Variants in EPHA3 observed in about 807,000 individuals in gnomAD.
EPHA3 encodes ephrin type-A receptor 3.
Under a neutral mutation model 107.1 loss-of-function variants are expected in EPHA3, and 42 were observed. That is an observed-to-expected ratio of 0.39 (90% confidence interval 0.31 to 0.51). The LOEUF is 0.51. EPHA3 is among the 20% of genes least tolerant of loss of function. The pLI is 0.78. For synonymous variants in EPHA3, 461 were observed against 424.8 expected (o/e 1.09, Z -1.05); for missense variants, 1,183 against 1,211.2 (o/e 0.98, Z 0.35).
intron 5 of EPHA3, among the ~76,000 whole-genome samples, chr3:89,380,768 T>C (rs967639664): frequency 6.9e-6 from 1 of 145,020 alleles, no homozygotes; most frequent in Non-Finnish European, 1.5e-5. Context: ...TAATAGGTAG[T>C]AGCTTTTTTT....
chr3:89,271,434 T>A (rs905696051), intron 3 of EPHA3, among the ~76,000 whole-genome samples: 1 of 152,032 alleles, frequency 6.6e-6, no homozygotes, highest in African/African-American at 2.4e-5. Flanking sequence ...CTGAAATTCC[T>A]AAGGTTTGCT....
At chr3:89,379,102 T>C (rs75508935) in intron 5 of EPHA3, among the ~76,000 whole-genome samples, 2,434 of 152,266 alleles carry the variant, frequency 0.016, 67 homozygotes, top group African/African-American at 0.055. Context: ...AGGTAATCTG[T>C]CTCTGCAATT....
At chr3:89,120,185 T>C (rs190362256) in intron 1 of EPHA3, among the ~76,000 whole-genome samples, 2 of 152,326 alleles carry the variant, frequency 1.3e-5, no homozygotes, top group Admixed American at 1.3e-4. Flanking sequence ...TTTTCACTTT[T>C]TAATCTTTCA....
chr3:89,405,647 A>G (rs956518548), intron 7 of EPHA3, among the ~76,000 whole-genome samples: 1 of 152,152 alleles, frequency 6.6e-6, no homozygotes, highest in African/African-American at 2.4e-5. Context: ...AAAATCTTCC[A>G]AACTTAGATT....
chr3:89,378,537 G>T (rs78744896), intron 5 of EPHA3, among the ~76,000 whole-genome samples: 2,432 of 152,176 alleles, frequency 0.016, 65 homozygotes, highest in African/African-American at 0.055. Flanking sequence ...TACTTCACAA[G>T]CTTGGAAATA....
chr3:89,390,679 A>G (rs1708709173), intron 5 of EPHA3, among the ~76,000 whole-genome samples: 2 of 152,112 alleles, frequency 1.3e-5, no homozygotes, highest in South Asian at 4.1e-4. Flanking sequence ...TGCTGATTCA[A>G]GAGGCTGTCA....
intron 3 of EPHA3, among the ~76,000 whole-genome samples, chr3:89,315,101 A>G (rs1339952514): frequency 6.6e-6 from 1 of 151,848 alleles, no homozygotes; most frequent in Non-Finnish European, 1.5e-5. Flanking sequence ...TTATAATCTT[A>G]TGGGTCCACT....
At chr3:89,303,426 C>T (rs1236370694) in intron 3 of EPHA3, among the ~76,000 whole-genome samples, 1 of 138,642 alleles carries the variant, frequency 7.2e-6, no homozygotes, top group Admixed American at 7.2e-5. Context: ...AAATGCAAAA[C>T]CTGATATCTA....
At chr3:89,225,139 G>A (rs1704473886) in intron 3 of EPHA3, among the ~76,000 whole-genome samples, 1 of 152,040 alleles carries the variant, frequency 6.6e-6, no homozygotes, top group African/African-American at 2.4e-5. Context: ...AGACGTGAAG[G>A]TAGTAATTTG....
chr3:89,185,664 C>T lies in EPHA3; in HGVS notation c.154-24196C>T, dbSNP rs191372601. ...TGTTTTGTTCCTTCAGTTCTACCCT[C>T]TCACTTTTCATTTCACTTGCATCCT... On this transcript the variant is annotated intron_variant, in intron 2 of 16. Transcript: ENST00000336596. Among the ~76,000 whole-genome samples the T allele has an allele frequency of 5.9e-5, 9 of 152,202 alleles. No individual in the cohort carries two copies. In the East Asian group the frequency reaches 1.7e-3, roughly 29 times the overall value.
intron 3 of EPHA3, among the ~76,000 whole-genome samples, chr3:89,308,742 T>C (rs1220259691): frequency 1.3e-5 from 2 of 152,092 alleles, no homozygotes; most frequent in East Asian, 3.9e-4. Flanking sequence ...GTTGAGATTT[T>C]GAAATAGTGG....
At chr3:89,278,356 C>T (rs909348440) in intron 3 of EPHA3, among the ~76,000 whole-genome samples, 1 of 152,116 alleles carries the variant, frequency 6.6e-6, no homozygotes, top group Non-Finnish European at 1.5e-5. Context: ...AAGCTTGGCT[C>T]TTCCAGGTAG....
chr3:89,442,042 T>C (rs559541980), intron 13 of EPHA3, among the ~76,000 whole-genome samples: 1 of 152,310 alleles, frequency 6.6e-6, no homozygotes, highest in Admixed American at 6.5e-5. Context: ...AAATGCTTGG[T>C]TACTTATACC....
At chr3:89,151,060 T>C (rs1704680595) in intron 2 of EPHA3, among the ~76,000 whole-genome samples, 1 of 152,094 alleles carries the variant, frequency 6.6e-6, no homozygotes. Context: ...AGTCTGATCT[T>C]TTAAGTCTGA....
At chr3:89,425,645 A>C (rs1277167610) in intron 11 of EPHA3, among the ~76,000 whole-genome samples, 4 of 151,540 alleles carry the variant, frequency 2.6e-5, no homozygotes, top group Non-Finnish European at 5.9e-5. Flanking sequence ...GTTTGAATGA[A>C]AATATTTTAA....
intron 3 of EPHA3, among the ~76,000 whole-genome samples, chr3:89,273,116 G>T (rs947557484): frequency 8.2e-4 from 124 of 152,014 alleles, no homozygotes; most frequent in African/African-American, 2.9e-3. Context: ...TTTAACGTTT[G>T]TATGCATTGT....
chr3:89,129,134 G>A (rs1704148519), intron 2 of EPHA3, among the ~76,000 whole-genome samples: 1 of 152,146 alleles, frequency 6.6e-6, no homozygotes, highest in African/African-American at 2.4e-5. Context: ...ACACTCCTCT[G>A]CATAAATTAC....
intron 3 of EPHA3, among the ~76,000 whole-genome samples, chr3:89,328,030 A>G (rs1156858986): frequency 6.6e-6 from 1 of 151,918 alleles, no homozygotes; most frequent in Non-Finnish European, 1.5e-5. Flanking sequence ...CCCGGGAGGC[A>G]GAGGTTGCAG....
intron 2 of EPHA3, among the ~76,000 whole-genome samples, chr3:89,135,260 A>T (rs1704287497): frequency 6.6e-6 from 1 of 152,114 alleles, no homozygotes; most frequent in Admixed American, 6.6e-5. Context: ...ACAACACCTG[A>T]TAAGTTCCTC....
Sources: gnomAD v4.1 joint callset for allele counts (sites outside exome capture counted in the v4.1 genomes callset) on GRCh38, gnomAD v4.1.1 for gene constraint, MANE v1.5 for transcripts, NCBI Gene and HGNC (gene_info 2026-07-23, HGNC 2026-07-21) for gene names.